MAD1L1: variants seen among roughly 807,000 people sequenced by gnomAD.
MAD1L1 encodes the protein mitotic spindle assembly checkpoint protein MAD1.
In MAD1L1, 95 loss-of-function variants were observed where a neutral mutation model predicts 96.9. That is an observed-to-expected ratio of 0.98 (90% CI 0.83 to 1.16). The LOEUF is 1.16. MAD1L1 is among the 50% of genes most tolerant of loss of function. The pLI, the probability that MAD1L1 is intolerant of heterozygous loss-of-function variation, is 0.00. For synonymous variants in MAD1L1, 473 were observed against 396.6 expected, an observed-to-expected ratio of 1.19 and a Z score of -2.29; for missense variants, 1,007 against 954.4, an observed-to-expected ratio of 1.06 and a Z score of -0.73.
chr7:1,837,488 G>C (rs897102060), intron 18 of MAD1L1, among the ~76,000 whole-genome samples: 1 of 152,210 alleles, frequency 6.6e-6, no homozygotes, highest in African/African-American at 2.4e-5. Flanking sequence ...TGCAAAGCTT[G>C]CATGTGAATG....
intron 12 of MAD1L1, among the ~76,000 whole-genome samples, chr7:2,020,416 C>A (rs1782737487): frequency 6.6e-6 from 1 of 152,262 alleles, no homozygotes; most frequent in African/African-American, 2.4e-5. Context: ...GGCTCTGACC[C>A]TGCAGTTCCC....
At chr7:1,825,431 C>T (rs182065968) in intron 18 of MAD1L1, among the ~76,000 whole-genome samples, 3,901 of 152,352 alleles carry the variant, frequency 0.026, 109 homozygotes, top group Admixed American at 0.072. Context: ...ACAGCGTGAG[C>T]CCAGCCAGCT....
intron 12 of MAD1L1, among the ~76,000 whole-genome samples, chr7:2,048,624 C>T (rs755680133): frequency 1.1e-4 from 16 of 152,238 alleles, no homozygotes; most frequent in Non-Finnish European, 1.8e-4. Context: ...CAGGAAGGGG[C>T]TGTCCCATAG....
At chr7:2,105,411 A>G (rs982987238) in intron 11 of MAD1L1, among the ~76,000 whole-genome samples, 2 of 132,118 alleles carry the variant, frequency 1.5e-5, no homozygotes, top group Non-Finnish European at 1.6e-5. Context: ...CTGGCCTGGC[A>G]GCAGCAGGCA....
intron 18 of MAD1L1, among the ~76,000 whole-genome samples, chr7:1,878,341 G>A (rs577802608): frequency 6.6e-6 from 1 of 152,014 alleles, no homozygotes; most frequent in South Asian, 2.1e-4. Flanking sequence ...TGATACCAAG[G>A]CAAACAAACA....
At chr7:2,005,204 G>C (rs1313389985) in intron 13 of MAD1L1, among the ~76,000 whole-genome samples, 2 of 152,188 alleles carry the variant, frequency 1.3e-5, no homozygotes, top group Non-Finnish European at 2.9e-5. Flanking sequence ...CATCACAGGA[G>C]CCATCCAGCC....
intron 10 of MAD1L1, among the ~76,000 whole-genome samples, chr7:2,176,494 A>G (rs1428301125): frequency 1.3e-5 from 2 of 152,238 alleles, no homozygotes; most frequent in East Asian, 3.8e-4. Flanking sequence ...AAAAGAAACA[A>G]AAGGTATAAA....
chr7:1,851,623 A>C (rs1489923894), intron 18 of MAD1L1, among the ~76,000 whole-genome samples: 1 of 152,132 alleles, frequency 6.6e-6, no homozygotes, highest in African/African-American at 2.4e-5. Flanking sequence ...AGAAGAAGAA[A>C]ACTAGAATGG....
At chr7:1,945,752 G>A (rs571907825) in intron 16 of MAD1L1, among the ~76,000 whole-genome samples, 5 of 152,240 alleles carry the variant, frequency 3.3e-5, no homozygotes, top group Non-Finnish European at 7.3e-5. Flanking sequence ...AGGTGGCGGC[G>A]CTGGGCCGCA....
At chr7:1,983,733 C>T (rs1057289126) in intron 14 of MAD1L1, among the ~76,000 whole-genome samples, 6 of 152,236 alleles carry the variant, frequency 3.9e-5, no homozygotes, top group Admixed American at 2.0e-4. Context: ...ATTCTCAGCA[C>T]GCCTGAAAGC....
intron 11 of MAD1L1, among the ~76,000 whole-genome samples, chr7:2,084,193 A>G (rs1785793348): frequency 6.6e-6 from 1 of 152,214 alleles, no homozygotes; most frequent in Admixed American, 6.5e-5. Context: ...AGGAAACACA[A>G]TGGAAGTTTC....
chr7:2,130,680 G>A (rs909473977), intron 11 of MAD1L1, among the ~76,000 whole-genome samples: 27 of 152,208 alleles, frequency 1.8e-4, no homozygotes, highest in African/African-American at 5.5e-4. Context: ...GCGTGTCCGC[G>A]ACTCTCTCTT....
intron 18 of MAD1L1, among the ~76,000 whole-genome samples, chr7:1,875,300 G>C (rs1227194732): frequency 6.6e-6 from 1 of 152,224 alleles, no homozygotes; most frequent in Non-Finnish European, 1.5e-5. Flanking sequence ...CCTGGGCTGA[G>C]GCTGCCCAGC....
intron 10 of MAD1L1, chr7:2,193,142 C>T (rs963658708): frequency 3.3e-5 from 5 of 152,350 alleles, no homozygotes; most frequent in African/African-American, 1.2e-4. Context: ...AGGCTGGAAA[C>T]CCTAACCCAA....
chr7:2,033,310 T>G (rs1783316924), intron 12 of MAD1L1, among the ~76,000 whole-genome samples: 1 of 152,290 alleles, frequency 6.6e-6, no homozygotes, highest in Admixed American at 6.5e-5. Context: ...CGGTCACCCC[T>G]GCCCTCGCCT....
At chr7:1,871,335 C>T (rs1273232222) in intron 18 of MAD1L1, among the ~76,000 whole-genome samples, 2 of 143,178 alleles carry the variant, frequency 1.4e-5, no homozygotes, top group African/African-American at 5.2e-5. Flanking sequence ...CTGAACCCAC[C>T]GTAACACCTG....
intron 12 of MAD1L1, among the ~76,000 whole-genome samples, chr7:2,065,045 C>A (rs1208842190): frequency 1.3e-5 from 2 of 152,314 alleles, no homozygotes; most frequent in Admixed American, 6.5e-5. Context: ...AGAGCAGAGG[C>A]TTCTTTCAGG....
chr7:1,846,612 T>C (rs1388246910), intron 18 of MAD1L1: 3 of 155,094 alleles, frequency 1.9e-5, no homozygotes, highest in Non-Finnish European at 2.9e-5. Flanking sequence ...CCACAAGGAA[T>C]GGGCGGAAGG....
At chr7:1,816,329 C>T (rs569324071) in intron 18 of MAD1L1, 101 bp from the exon 19 acceptor site, 2 of 1,250,746 alleles carry the variant, frequency 1.6e-6, no homozygotes, top group South Asian at 2.8e-5. Context: ...GGGGGCTTCC[C>T]TCAGTCTGAG....
Sources: allele counts gnomAD v4.1 joint callset (sites outside exome capture counted in the v4.1 genomes callset), GRCh38; gene constraint gnomAD v4.1.1; transcripts MANE v1.5; gene names NCBI Gene and HGNC (gene_info 2026-07-23, HGNC 2026-07-21).